NBAS: variants seen among roughly 807,000 people sequenced by gnomAD.
NBAS encodes NBAS subunit of NRZ tethering complex.
Under a neutral mutation model 302.5 loss-of-function variants are expected in NBAS, and 219 were observed. The ratio of observed to expected loss-of-function variants is 0.72; its 90% CI spans 0.65 to 0.81. The LOEUF is 0.81. Ranked by LOEUF, NBAS falls within the 30% of genes least tolerant of loss-of-function variation. NBAS has a pLI of 0.00. For synonymous variants in NBAS, 1,118 were observed against 1,021.6 expected, an observed-to-expected ratio of 1.09 and a Z score of -1.80; for missense variants, 2,932 against 2,841.6, an observed-to-expected ratio of 1.03 and a Z score of -0.72.
chr2:15,446,164 C>T (rs1300771593), intron 21 of NBAS, among the ~76,000 whole-genome samples: 1 of 151,660 alleles, frequency 6.6e-6, no homozygotes, highest in Non-Finnish European at 1.5e-5. Context: ...CCATAAATTT[C>T]CTAAATTTGG....
chr2:15,492,067 G>A (rs537699309), intron 11 of NBAS, among the ~76,000 whole-genome samples: 36 of 152,280 alleles, frequency 2.4e-4, no homozygotes, highest in African/African-American at 8.7e-4. Flanking sequence ...TGTAAATGTA[G>A]TATTTCTTTC....
the NBAS span, among the ~76,000 whole-genome samples, chr2:14,978,024 AT>A: frequency 6.6e-6 from 1 of 152,014 alleles, no homozygotes; most frequent in African/African-American, 2.4e-5. Flanking sequence ...ACTGTCTCCT[AT>A]TTTTCTACCA....
the NBAS span, among the ~76,000 whole-genome samples, chr2:15,113,341 G>A: frequency 6.6e-6 from 1 of 151,156 alleles, no homozygotes; most frequent in Non-Finnish European, 1.5e-5. Context: ...GTGTGTGTGT[G>A]TGTGTGTGTG....
the NBAS span, among the ~76,000 whole-genome samples, chr2:14,807,257 C>A: frequency 1.3e-5 from 2 of 152,166 alleles, no homozygotes; most frequent in African/African-American, 4.8e-5. Context: ...AGAATGATTA[C>A]AAAGTTAGCA....
intron 35 of NBAS, among the ~76,000 whole-genome samples, chr2:15,331,639 A>C (rs1014166992): frequency 1.3e-5 from 2 of 152,352 alleles, no homozygotes; most frequent in African/African-American, 4.8e-5. Flanking sequence ...TCATTAAGAC[A>C]CAATGTAAGT....
chr2:15,209,411 G>A (rs1191410682), intron 48 of NBAS, among the ~76,000 whole-genome samples: 2 of 151,932 alleles, frequency 1.3e-5, no homozygotes, highest in African/African-American at 4.8e-5. Flanking sequence ...AAACAATAGA[G>A]GAGGAGGAAA....
chr2:15,552,462 C>T (rs191043382), intron 5 of NBAS, among the ~76,000 whole-genome samples: 5 of 152,260 alleles, frequency 3.3e-5, no homozygotes, highest in East Asian at 1.9e-4. Flanking sequence ...GTGAAGATGA[C>T]GATAATGAAG....
chr2:15,307,773 C>T (rs1432084839), intron 40 of NBAS, among the ~76,000 whole-genome samples: 1 of 152,008 alleles, frequency 6.6e-6, no homozygotes, highest in Admixed American at 6.6e-5. Context: ...TTTCAACATT[C>T]TGTCCGTACA....
the NBAS span, among the ~76,000 whole-genome samples, chr2:14,801,878 T>C: frequency 6.6e-6 from 1 of 151,130 alleles, no homozygotes; most frequent in Non-Finnish European, 1.5e-5. Flanking sequence ...TGTTTGTTTT[T>C]TTCTTGTAAA....
the NBAS span, among the ~76,000 whole-genome samples, chr2:15,084,031 G>A: frequency 6.6e-6 from 1 of 151,564 alleles, no homozygotes; most frequent in Non-Finnish European, 1.5e-5. Flanking sequence ...GGGAAGCACT[G>A]AACAATTGCT....
At chr2:15,180,635 G>C (rs947848413) in intron 50 of NBAS, among the ~76,000 whole-genome samples, 2 of 152,188 alleles carry the variant, frequency 1.3e-5, no homozygotes, top group Non-Finnish European at 2.9e-5. Context: ...AAAGTGATGT[G>C]CGGGGCCCCT....
chr2:15,523,667 A>G (rs1441218949), intron 9 of NBAS, among the ~76,000 whole-genome samples: 1 of 152,170 alleles, frequency 6.6e-6, no homozygotes, highest in East Asian at 1.9e-4. Context: ...TAATCCCAAC[A>G]CTTTGGGAAG....
At chr2:15,369,935 T>C (rs1674403594) in intron 31 of NBAS, among the ~76,000 whole-genome samples, 1 of 152,172 alleles carries the variant, frequency 6.6e-6, no homozygotes, top group Admixed American at 6.5e-5. Flanking sequence ...TTGCAGTCAC[T>C]TGGGAATGGC....
intron 9 of NBAS, among the ~76,000 whole-genome samples, chr2:15,520,997 T>C (rs1662644733): frequency 1.3e-5 from 2 of 152,252 alleles, no homozygotes; most frequent in South Asian, 4.1e-4. Context: ...TGGTCATCAG[T>C]AAAAGCTCTA....
intron 39 of NBAS, 134 bp from the exon 40 acceptor site, chr2:15,308,487 A>T: frequency 9.1e-7 from 1 of 1,099,268 alleles, no homozygotes; most frequent in Admixed American, 2.1e-5. Context: ...CTCAAGATCA[A>T]CTTAATAATG....
At chr2:15,047,307 C>T in the NBAS span, among the ~76,000 whole-genome samples, 1 of 152,246 alleles carries the variant, frequency 6.6e-6, no homozygotes, top group African/African-American at 2.4e-5. Flanking sequence ...GTGGTGCTGA[C>T]GGAGAGGCCC....
the NBAS span, among the ~76,000 whole-genome samples, chr2:14,962,674 A>G: frequency 6.6e-6 from 1 of 152,174 alleles, no homozygotes; most frequent in East Asian, 1.9e-4. Context: ...AAAAGACACT[A>G]TTCAAAATAC....
intron 25 of NBAS, among the ~76,000 whole-genome samples, chr2:15,407,614 A>G (rs1363024026): frequency 6.6e-6 from 1 of 152,184 alleles, no homozygotes; most frequent in Non-Finnish European, 1.5e-5. Context: ...AACCACAAGG[A>G]GATGTTGCTA....
chr2:15,277,169 C>T (rs889594114), intron 42 of NBAS, 68 bp from the exon 43 acceptor site: 15 of 1,565,722 alleles, frequency 9.6e-6, no homozygotes, highest in Non-Finnish European at 1.2e-5. Context: ...TTTTTTTTAA[C>T]CAAGGAAGAA....
Sources: allele counts gnomAD v4.1 joint callset (sites outside exome capture counted in the v4.1 genomes callset), GRCh38; gene constraint gnomAD v4.1.1; transcripts MANE v1.5; gene names NCBI Gene and HGNC (gene_info 2026-07-23, HGNC 2026-07-21).